The following NELL2 variants were observed in gnomAD, a reference collection of about 807,000 sequenced individuals.
NELL2 encodes the protein neural EGFL like 2, also known as protein kinase C-binding protein NELL2.
A neutral mutation model predicts 109.6 loss-of-function variants in NELL2; 41 were observed. The ratio of observed to expected loss-of-function variants is 0.37; its 90% CI spans 0.29 to 0.49. NELL2 has a LOEUF of 0.49. Ranked by LOEUF, NELL2 falls within the 20% of genes least tolerant of loss-of-function variation. The pLI, the probability that NELL2 is intolerant of heterozygous loss-of-function variation, is 0.98. For synonymous variants in NELL2, 355 were observed against 344.7 expected (o/e 1.03, Z -0.33); for missense variants, 900 against 1,008.3 (o/e 0.89, Z 1.45).
chr12:44,888,855 T>A (rs2136867260), intron 1 of NELL2, among the ~76,000 whole-genome samples: 2 of 151,708 alleles, frequency 1.3e-5, no homozygotes, highest in East Asian at 3.9e-4. Flanking sequence ...AAAAAATAAA[T>A]AAATAAATAA....
chr12:44,662,320 T>C (rs1034818538), intron 13 of NELL2, among the ~76,000 whole-genome samples: 1 of 152,208 alleles, frequency 6.6e-6, no homozygotes, highest in African/African-American at 2.4e-5. Context: ...GAACATAATG[T>C]ATTGAATAGT....
chr12:44,640,672 T>C (rs960543206), intron 13 of NELL2, among the ~76,000 whole-genome samples: 2 of 146,786 alleles, frequency 1.4e-5, no homozygotes, highest in Non-Finnish European at 3.0e-5. Flanking sequence ...TTGTATTTTG[T>C]TTTTTTTTTT....
chr12:44,734,745 T>C (rs921253110), intron 9 of NELL2, among the ~76,000 whole-genome samples: 1 of 152,052 alleles, frequency 6.6e-6, no homozygotes, highest in Admixed American at 6.6e-5. Context: ...GTTATTGTTG[T>C]ATTTTTAAAT....
chr12:44,631,320 A>G (rs972492466), intron 13 of NELL2, among the ~76,000 whole-genome samples: 1 of 151,264 alleles, frequency 6.6e-6, no homozygotes, highest in Non-Finnish European at 1.5e-5. Flanking sequence ...TGTTATGGGG[A>G]AAACACATCC....
intron 15 of NELL2, among the ~76,000 whole-genome samples, chr12:44,556,940 T>A (rs973835227): frequency 1.3e-5 from 2 of 152,148 alleles, no homozygotes; most frequent in African/African-American, 4.8e-5. Flanking sequence ...AATATATAGG[T>A]TGGGGCCAGA....
intron 9 of NELL2, among the ~76,000 whole-genome samples, chr12:44,752,486 T>C (rs1266435993): frequency 1.3e-5 from 2 of 152,154 alleles, no homozygotes; most frequent in Non-Finnish European, 2.9e-5. Context: ...TTCACAAAGC[T>C]GAAAAGTGAC....
At chr12:44,681,778 T>C (rs1332946890) in intron 12 of NELL2, among the ~76,000 whole-genome samples, 2 of 152,164 alleles carry the variant, frequency 1.3e-5, no homozygotes, top group South Asian at 2.1e-4. Flanking sequence ...TGGTATTCCA[T>C]GGTGTATATG....
intron 3 of NELL2, among the ~76,000 whole-genome samples, chr12:44,809,631 G>T (rs1001451648): frequency 1.3e-5 from 2 of 152,028 alleles, no homozygotes; most frequent in African/African-American, 4.8e-5. Context: ...AGCATCTCAG[G>T]TTGGGAGGCC....
At chr12:44,706,877 A>C (rs1937911698) in intron 11 of NELL2, among the ~76,000 whole-genome samples, 1 of 152,188 alleles carries the variant, frequency 6.6e-6, no homozygotes, top group South Asian at 2.1e-4. Context: ...AAATTACATA[A>C]AGTTCTATGT....
intron 1 of NELL2, among the ~76,000 whole-genome samples, chr12:44,901,803 CAT>C (rs961278941): frequency 1.3e-4 from 20 of 152,176 alleles, no homozygotes; most frequent in Admixed American, 1.2e-3. Context: ...ACAAAAACCA[CAT>C]GATTATCTCA....
intron 13 of NELL2, among the ~76,000 whole-genome samples, chr12:44,644,030 A>G (rs552211446): frequency 6.6e-6 from 1 of 152,270 alleles, no homozygotes; most frequent in African/African-American, 2.4e-5. Flanking sequence ...ATAATACTCA[A>G]AGAACATTTG....
chr12:44,667,468 A>G (rs760822283), intron 12 of NELL2, among the ~76,000 whole-genome samples: 3 of 152,208 alleles, frequency 2.0e-5, no homozygotes, highest in Admixed American at 6.5e-5. Flanking sequence ...GTTGGAATAA[A>G]AGTTCATTTA....
intron 2 of NELL2, among the ~76,000 whole-genome samples, chr12:44,825,542 C>G (rs1315667093): frequency 6.7e-6 from 1 of 150,034 alleles, no homozygotes; most frequent in East Asian, 2.0e-4. Context: ...GCTACAGGTG[C>G]GTGCCACCAT....
At chr12:44,517,415 C>G (rs1011651996) in intron 19 of NELL2, among the ~76,000 whole-genome samples, 19 of 139,968 alleles carry the variant, frequency 1.4e-4, no homozygotes, top group African/African-American at 5.2e-4. Flanking sequence ...CTCTCTCTCT[C>G]TCTCTCGTTC....
intron 13 of NELL2, among the ~76,000 whole-genome samples, chr12:44,617,612 A>C (rs1945875247): frequency 9.6e-6 from 1 of 103,692 alleles, no homozygotes; most frequent in Non-Finnish European, 1.8e-5. Flanking sequence ...GAATGGCGTG[A>C]ACCTGGGAGG....
chr12:44,826,711 G>C (rs4257041), intron 2 of NELL2, among the ~76,000 whole-genome samples: 150,422 of 152,296 alleles, frequency 0.99, 74,324 homozygotes, highest in East Asian at 1. Context: ...AAAATCACAG[G>C]TCGTTTCTAT....
chr12:44,664,943 C>G (rs879199260), intron 13 of NELL2, among the ~76,000 whole-genome samples: 1 of 152,022 alleles, frequency 6.6e-6, no homozygotes, highest in Admixed American at 6.6e-5. Context: ...ACACTACTAA[C>G]ACAATATCCC....
intron 2 of NELL2, among the ~76,000 whole-genome samples, chr12:44,831,571 C>T (rs910302606): frequency 6.6e-6 from 1 of 152,140 alleles, no homozygotes; most frequent in Non-Finnish European, 1.5e-5. Context: ...TATCAGGGCA[C>T]ACATGGTTTC....
chr12:44,573,603 A>C (rs967550938), intron 15 of NELL2, among the ~76,000 whole-genome samples: 2 of 152,232 alleles, frequency 1.3e-5, no homozygotes, highest in African/African-American at 4.8e-5. Context: ...AGAAACAGCA[A>C]AGAACAGAAT....
Sources: gnomAD v4.1 joint callset for allele counts (sites outside exome capture counted in the v4.1 genomes callset) on GRCh38, gnomAD v4.1.1 for gene constraint, MANE v1.5 for transcripts, NCBI Gene and HGNC (gene_info 2026-07-23, HGNC 2026-07-21) for gene names.